The following ERBB4 variants were observed in gnomAD, a reference collection of about 807,000 sequenced individuals.
The protein encoded by ERBB4 is receptor tyrosine-protein kinase erbB-4.
ERBB4 carries 42 observed loss-of-function variants against 158.0 expected under a neutral mutation model. The observed-to-expected ratio is 0.27, with a 90% confidence interval of 0.21 to 0.34. The LOEUF is 0.34. Among genes scored for constraint, ERBB4 ranks in the 10% least tolerant of loss-of-function variants. The pLI, the probability that ERBB4 is intolerant of heterozygous loss-of-function variation, is 1.00. For synonymous variants in ERBB4, 583 were observed against 558.7 expected (o/e 1.04, Z -0.61); for missense variants, 1,333 against 1,624.1 (o/e 0.82, Z 3.08).
chr2:212,348,208 A>G (rs1055996268), intron 1 of ERBB4, among the ~76,000 whole-genome samples: 2 of 152,180 alleles, frequency 1.3e-5, no homozygotes, highest in African/African-American at 4.8e-5. Flanking sequence ...GTGCTTCATT[A>G]CCAAATTCAT....
intron 4 of ERBB4, among the ~76,000 whole-genome samples, chr2:211,782,005 C>T (rs113596157): frequency 1.6e-4 from 24 of 152,204 alleles, no homozygotes; most frequent in South Asian, 1.2e-3. Context: ...GGCCCAGGTA[C>T]GCTATTCATA....
Position 211,823,667 on chromosome 2 carries a change from A to G in ERBB4, c.422-35508T>C, listed in dbSNP as rs534978323. Among the ~76,000 whole-genome samples the G allele has an allele frequency of 5.9e-5, 9 of 152,128 alleles. No homozygotes were observed. In the South Asian group the frequency reaches 1.9e-3, roughly 31 times the overall value. ...AAATTCAATGTTAATACAAATTCATATTTCTACTGCATTATCAAAGTATAT... is the reference window on the plus strand; with the variant it reads ...AAATTCAATGTTAATACAAATTCATGTTTCTACTGCATTATCAAAGTATAT... On this transcript the variant is annotated intron_variant, in intron 3 of 27. Coordinates refer to ENST00000342788, the MANE Select transcript of ERBB4 (RefSeq NM_005235.3).
intron 1 of ERBB4, among the ~76,000 whole-genome samples, chr2:212,382,155 CAATA>C (rs2106413735): frequency 6.7e-6 from 1 of 149,998 alleles, no homozygotes; most frequent in Admixed American, 6.7e-5. Flanking sequence ...TATACACATA[CAATA>C]TATATTATAC....
At chr2:211,556,009 T>C (rs528838026) in intron 20 of ERBB4, among the ~76,000 whole-genome samples, 4 of 152,266 alleles carry the variant, frequency 2.6e-5, no homozygotes, top group African/African-American at 9.6e-5. Context: ...ATGCCCCAAT[T>C]AAAGGCACAG....
chr2:212,082,144 A>G (rs968492854), intron 2 of ERBB4, among the ~76,000 whole-genome samples: 2 of 152,128 alleles, frequency 1.3e-5, no homozygotes, highest in Admixed American at 6.6e-5. Context: ...TTGAAAGAGA[A>G]TTTTATCATG....
intron 1 of ERBB4, among the ~76,000 whole-genome samples, chr2:212,515,160 T>C (rs1328339852): frequency 6.6e-6 from 1 of 152,222 alleles, no homozygotes; most frequent in Non-Finnish European, 1.5e-5. Flanking sequence ...GGCTCAGTGC[T>C]TTGACTACAC....
chr2:211,766,718 T>C (rs1228317489), intron 4 of ERBB4, among the ~76,000 whole-genome samples: 1 of 152,132 alleles, frequency 6.6e-6, no homozygotes, highest in African/African-American at 2.4e-5. Flanking sequence ...GCAGGGAACC[T>C]AACGCCGATC....
At chr2:212,219,176 C>T (rs968548891) in intron 1 of ERBB4, among the ~76,000 whole-genome samples, 2 of 151,274 alleles carry the variant, frequency 1.3e-5, no homozygotes, top group African/African-American at 4.8e-5. Flanking sequence ...AAGAATGAGA[C>T]CCAAAGAAGT....
At chr2:212,238,038 C>G (rs939372815) in intron 1 of ERBB4, among the ~76,000 whole-genome samples, 1 of 152,236 alleles carries the variant, frequency 6.6e-6, no homozygotes, top group Admixed American at 6.5e-5. Flanking sequence ...ATCCGCTGAG[C>G]TAGACCACTT....
intron 2 of ERBB4, among the ~76,000 whole-genome samples, chr2:212,062,175 T>C (rs1421143010): frequency 6.6e-6 from 1 of 152,212 alleles, no homozygotes; most frequent in African/African-American, 2.4e-5. Flanking sequence ...CATCTTTTCT[T>C]TATGCAAATA....
At chr2:211,443,098 T>C (rs1220456095) in intron 20 of ERBB4, among the ~76,000 whole-genome samples, 1 of 152,050 alleles carries the variant, frequency 6.6e-6, no homozygotes, top group Admixed American at 6.6e-5. Context: ...TATCCTTTCA[T>C]CTCTTTCTAC....
chr2:211,495,602 T>A lies in ERBB4; in HGVS notation c.2488-64502A>T, dbSNP rs528559467. ...TGTTACGCCTTGTCTGATATTTGAA[T>A]CTCTCTAATATAAGCTAGGAACAAA... On this transcript the variant is annotated intron_variant, in intron 20 of 27. Coordinates refer to ENST00000342788, the MANE Select transcript of ERBB4 (RefSeq NM_005235.3). 2.0e-5 allele frequency among the ~76,000 whole-genome samples: 3 copies of A among 152,152 alleles called. No homozygotes were observed. In the South Asian group the frequency reaches 6.2e-4, roughly 32 times the overall value.
Position 212,147,157 on chromosome 2 carries a change from A to ATTTTTTTTTTTTT in ERBB4, c.83-22267_83-22255dup, listed in dbSNP as rs71397161. ...AGGGGCATGCCACCATGCCCAGCTA[A>ATTTTTTTTTTTTT]TTTTTTTTTTTTTTTTTTTTTTTTT... On this transcript the variant is annotated intron_variant, in intron 1 of 27. Transcript: ENST00000342788. Among the ~76,000 whole-genome samples the ATTTTTTTTTTTTT allele has an allele frequency of 4.7e-4, 16 of 34,262 alleles. 3 individuals are homozygous for ATTTTTTTTTTTTT. The highest frequency in any genetic ancestry group is 1.2e-3 in the African/African-American group (9 of 7,434). 22.5% of individuals were successfully genotyped at this position (34,262 alleles called of 152,430 possible). A position where few individuals can be genotyped will look rare whatever the true frequency, so the allele number is the denominator to read the frequency against.
chr2:212,156,341 A>G (rs1473990370), intron 1 of ERBB4, among the ~76,000 whole-genome samples: 3 of 151,916 alleles, frequency 2.0e-5, no homozygotes, highest in Admixed American at 2.0e-4. Context: ...TCAGCAGGGG[A>G]GCTGAATTTG....
intron 4 of ERBB4, among the ~76,000 whole-genome samples, chr2:211,761,236 C>T (rs2075405140): frequency 6.7e-6 from 1 of 150,266 alleles, no homozygotes; most frequent in Non-Finnish European, 1.5e-5. Flanking sequence ...AAAAAGCATC[C>T]TTATTTTTAT....
chr2:212,084,520 C>T (rs954374301), intron 2 of ERBB4, among the ~76,000 whole-genome samples: 2 of 151,900 alleles, frequency 1.3e-5, no homozygotes, highest in African/African-American at 2.4e-5. Flanking sequence ...TTGATTTAGA[C>T]TTTTACTGCA....
intron 1 of ERBB4, among the ~76,000 whole-genome samples, chr2:212,518,400 T>A (rs1375145220): frequency 6.6e-6 from 1 of 152,032 alleles, no homozygotes; most frequent in East Asian, 1.9e-4. Context: ...TATGATTTAA[T>A]CTCAAAATTT....
At chr2:212,489,256 T>C (rs1163778200) in intron 1 of ERBB4, among the ~76,000 whole-genome samples, 1 of 151,918 alleles carries the variant, frequency 6.6e-6, no homozygotes. Flanking sequence ...AGATATCGTA[T>C]TACCAACCCA....
At chr2:211,883,239 C>T (rs2078709716) in intron 3 of ERBB4, among the ~76,000 whole-genome samples, 1 of 152,058 alleles carries the variant, frequency 6.6e-6, no homozygotes, top group Non-Finnish European at 1.5e-5. Flanking sequence ...TAGGTGGGAA[C>T]TGAACAATGA....
Sources: gnomAD v4.1 joint callset for allele counts (sites outside exome capture counted in the v4.1 genomes callset) on GRCh38, gnomAD v4.1.1 for gene constraint, MANE v1.5 for transcripts, NCBI Gene and HGNC (gene_info 2026-07-23, HGNC 2026-07-21) for gene names.